The following IGSF8 variants were observed in gnomAD, a reference collection of about 807,000 sequenced individuals.
The protein encoded by IGSF8 is CD81 partner 3.
IGSF8 carries 46 observed loss-of-function variants against 55.5 expected under a neutral mutation model. The ratio of observed to expected loss-of-function variants is 0.83; its 90% CI spans 0.65 to 1.06. The LOEUF (loss-of-function observed/expected upper bound fraction) is 1.06. Among genes scored for constraint, IGSF8 ranks in the 50% least tolerant of loss-of-function variants. The pLI, the probability that IGSF8 is intolerant of heterozygous loss-of-function variation, is 0.00. For missense variants in IGSF8, 731 were observed against 832.3 expected (o/e 0.88, Z 1.50); for synonymous variants, 314 against 356.1 (o/e 0.88, Z 1.33).
In IGSF8 at chr1:160,098,601, T is replaced by C. The variant is rs1455304257; in HGVS notation, c.-129A>G. On this transcript the variant is annotated 5_prime_UTR_variant, in exon 1 of 7. Coordinates refer to ENST00000314485, the MANE Select transcript of IGSF8 (RefSeq NM_052868.6). ...CGAGGCGTGGGTGCGCCGAGCGAGC[T>C]GAACTGGAGCTGCCGAATCCCCTCC... The C allele has an allele frequency of 1.6e-6, 1 of 615,974 alleles. No homozygotes were observed. The highest frequency in any genetic ancestry group is 3.0e-5 in the Admixed American group (1 of 32,892). 38.2% of individuals were successfully genotyped at this position (615,974 alleles called of 1,614,324 possible).
chr1:160,093,865 GT>G lies in IGSF8; in HGVS notation c.748del (p.Thr250ProfsTer7). ...AGELRLGKEG[T>X]DRYRMVVGGA... is the part of the protein sequence containing the mutation. ...CCCTACTACCATGCGGTACCGATCGGTCCCTTCCTTGCCCAGACGAAGCTCC... is the reference window on the plus strand; with the variant it reads ...CCCTACTACCATGCGGTACCGATCGGCCCTTCCTTGCCCAGACGAAGCTCC... On this transcript the variant is annotated frameshift_variant, in exon 3 of 7. Transcript: ENST00000314485. LOFTEE classifies it high-confidence loss of function. The G allele has an allele frequency of 6.2e-7, 1 of 1,614,178 alleles. No individual in the cohort carries two copies. The highest frequency in any genetic ancestry group is 2.2e-5 in the East Asian group (1 of 44,890).
At position 160,098,513 on chromosome 1, in the gene IGSF8, G is replaced by C; in HGVS notation, c.-41C>G. On this transcript the variant is annotated 5_prime_UTR_variant, in exon 1 of 7. Transcript: ENST00000314485. ...CTGGGGAGGCTCCGGGGGATGGCGC[G>C]GGTTCTGGGGGGCCGGAAGGGTGGG... is the stretch of plus-strand genomic sequence containing the variant. The C allele has an allele frequency of 6.8e-7, 1 of 1,469,578 alleles. No homozygotes were observed. Among genetic ancestry groups the C allele is most frequent in the Non-Finnish European group, 9.1e-7 (1 of 1,096,334 alleles). The allele number at this position is 1,469,578 out of a possible 1,614,324, so 91.0% of individuals were successfully genotyped here.
intron 3 of IGSF8, 119 bp from the exon 4 acceptor site, chr1:160,093,450 C>A (rs1167308491): frequency 6.0e-6 from 6 of 993,850 alleles, no homozygotes; most frequent in Non-Finnish European, 7.4e-6. Flanking sequence ...CTGTCTCCCC[C>A]TCACTAGGTA....
intron 4 of IGSF8, 32 bp from the exon 5 acceptor site, chr1:160,092,727 G>A (rs1251983236): frequency 6.3e-7 from 1 of 1,594,784 alleles, no homozygotes; most frequent in South Asian, 1.1e-5. Flanking sequence ...GTCAGAGGGT[G>A]CAGGGCCAGG....
In IGSF8 at chr1:160,094,301, C is replaced by T. The variant is rs1650262768; in HGVS notation, c.443-130G>A. The T allele has an allele frequency of 1.5e-6, 1 of 653,286 alleles. No individual in the cohort carries two copies. Among genetic ancestry groups the T allele is most frequent in the East Asian group, 2.7e-5 (1 of 36,708 alleles). The allele number at this position is 653,286 out of a possible 1,614,324, so 40.5% of individuals were successfully genotyped here. A position where few individuals can be genotyped will look rare whatever the true frequency, so the allele number is the denominator to read the frequency against. ...GCAAAGATCGCATGTTGTATTATTT[C>T]TTCTGTAACTCAGTGGTGCCAAGGG... On this transcript the variant is annotated intron_variant, in intron 2 of 6. Coordinates refer to ENST00000314485, the MANE Select transcript of IGSF8 (RefSeq NM_052868.6). The surrounding 1 kb of genome is among the most constrained non-coding windows in gnomAD (Gnocchi z 4.0).
chr1:160,091,818 A>C lies in IGSF8; in HGVS notation c.*5T>G. 6.2e-7 allele frequency: 1 copy of C among 1,604,974 alleles called. No individual in the cohort carries two copies. Among genetic ancestry groups the C allele is most frequent in the East Asian group, 2.2e-5 (1 of 44,830 alleles). On this transcript the variant is annotated 3_prime_UTR_variant, in exon 6 of 7. Transcript: ENST00000314485. ...GTTCTTTTCCCTCACCTGGGGAGTAAGGGATCACCGTTTTCGAAGCCTCTT... is the reference window on the plus strand; with the variant it reads ...GTTCTTTTCCCTCACCTGGGGAGTACGGGATCACCGTTTTCGAAGCCTCTT...
intron 1 of IGSF8, among the ~76,000 whole-genome samples, chr1:160,095,851 C>T (rs1650394980): frequency 6.6e-6 from 1 of 152,240 alleles, no homozygotes; most frequent in African/African-American, 2.4e-5. Flanking sequence ...TTCTCTCACC[C>T]CACAGGGCTG....
rs1553240959 is a variant in IGSF8 at position 160,094,942 on chromosome 1, G to A, written c.369C>T (p.Gly123=). 6.2e-7 allele frequency: 1 copy of A among 1,613,946 alleles called. No individual in the cohort carries two copies. The highest frequency in any genetic ancestry group is 8.5e-7 in the Non-Finnish European group (1 of 1,180,034). ...KIARLQAQDA[G]IYECHTPSTD... is the part of the protein sequence containing the mutation. ...TGGAGGGGGTGTGGCACTCATAAATGCCGGCATCCTGGGCCTGCAGGCGGG... is the reference window on the plus strand; with the variant it reads ...TGGAGGGGGTGTGGCACTCATAAATACCGGCATCCTGGGCCTGCAGGCGGG... Residue 123 remains glycine (G), a synonymous_variant, in exon 2 of 7, where the codon GGC becomes GGT. Coordinates refer to ENST00000314485, the MANE Select transcript of IGSF8 (RefSeq NM_052868.6). The surrounding 1 kb of genome is among the most constrained non-coding windows in gnomAD (Gnocchi z 4.0).
Position 160,094,804 on chromosome 1 carries a change from A to C in IGSF8, c.442+65T>G. The C allele has an allele frequency of 6.5e-7, 1 of 1,530,506 alleles. No homozygotes were observed. Among genetic ancestry groups the C allele is most frequent in the Non-Finnish European group, 8.9e-7 (1 of 1,128,530 alleles). The allele number at this position is 1,530,506 out of a possible 1,614,324, so 94.8% of individuals were successfully genotyped here. On this transcript the variant is annotated intron_variant, in intron 2 of 6. Coordinates refer to ENST00000314485, the MANE Select transcript of IGSF8 (RefSeq NM_052868.6). This position sits in a 1 kb window ranked among gnomAD's most constrained non-coding sequence, Gnocchi z 4.0. ...AACCTAAGGGGCAACTAGATAGGTC[A>C]CTTGTGGCCTTGACTTTCTGCCTTG...
rs1229375731 is a variant in IGSF8 at position 160,093,975 on chromosome 1, C to A, written c.639G>T (p.Arg213=). 1 of 1,614,268 alleles carries A rather than the reference C, an allele frequency of 6.2e-7. No homozygotes were observed. The change falls in exon 3 of 7, where the codon CGG becomes CGT. Residue 213 remains arginine, a synonymous_variant. Coordinates refer to ENST00000314485, the MANE Select transcript of IGSF8 (RefSeq NM_052868.6). The part of the protein sequence containing the change: ...GRSVPEAPVG[R]STLQEVVGIR... ...TTCCCACCACTTCCTGCAGAGTTGA[C>A]CGCCCAACTGGTGCCTCGGGCACAG...
Position 160,091,564 on chromosome 1 carries a change from G to T in IGSF8, c.*60C>A. The T allele has an allele frequency of 2.2e-6, 1 of 464,732 alleles. No individual in the cohort carries two copies. The highest frequency in any genetic ancestry group is 2.0e-5 in the African/African-American group (1 of 50,456). 28.8% of individuals were successfully genotyped at this position (464,732 alleles called of 1,614,324 possible). A position where few individuals can be genotyped will look rare whatever the true frequency, so the allele number is the denominator to read the frequency against. On this transcript the variant is annotated 3_prime_UTR_variant, in exon 7 of 7. Coordinates refer to ENST00000314485, the MANE Select transcript of IGSF8 (RefSeq NM_052868.6). ...GGGAGAGGGTGTCCAGGCAACCAGA[G>T]GAGGGCTTGGAGCTGGGCCGGAAGA...
rs761010992 is a variant in IGSF8, at chr1:160,093,143, C to T, written c.1093G>A (p.Glu365Lys). 7 of 1,613,760 alleles carry T rather than the reference C, an allele frequency of 4.3e-6. No homozygotes were observed. Among genetic ancestry groups the T allele is most frequent in the Non-Finnish European group, 5.9e-6 (7 of 1,179,824 alleles). The change falls in exon 4 of 7, where the codon GAG (glutamate) becomes AAG (lysine). Residue 365 changes from glutamate to lysine, a missense_variant. Physicochemically the swap from Glu to Lys is moderately conservative, Grantham distance 56 (BLOSUM62 1). Transcript: ENST00000314485. ...CCAGGGCCCAGGCTGCCCACACCCT[C>T]TGTGTCCAGCTGGGCTACCAGGCGG... ...PGRLVAQLDT[E>K]GVGSLGPGYE... is the part of the protein sequence containing the mutation.
In IGSF8 at chr1:160,093,197, T is replaced by C. The variant is rs1166581018; in HGVS notation, c.1039A>G (p.Met347Val). Residue 347 changes from methionine to valine, a missense_variant, in exon 4 of 7, where the codon ATG becomes GTG. Met to Val is a conservative substitution (Grantham distance 21). Coordinates refer to ENST00000314485, the MANE Select transcript of IGSF8 (RefSeq NM_052868.6). ...RHAAYSVGWE[M>V]APAGAPGPGR... The stretch of plus-strand genomic sequence containing the variant: ...GGCCCAGGTGCCCCCGCAGGTGCCA[T>C]CTCCCAACCTACAGAGTATGCAGCA... The C allele has an allele frequency of 1.1e-5, 18 of 1,613,872 alleles. No individual in the cohort carries two copies. The highest frequency in any genetic ancestry group is 1.5e-5 in the Non-Finnish European group (18 of 1,179,900).
intron 1 of IGSF8, 38 bp downstream of exon 1, chr1:160,098,371 C>G: frequency 6.4e-7 from 1 of 1,551,528 alleles, no homozygotes; most frequent in Non-Finnish European, 8.7e-7. Flanking sequence ...AGGCACCTGC[C>G]CGGCAGGGCC....
In IGSF8 at chr1:160,091,426, C is replaced by G. The variant is rs551924251; in HGVS notation, c.*198G>C. 5.8e-5 allele frequency: 13 copies of G among 223,742 alleles called. No homozygotes were observed. The highest frequency in any genetic ancestry group is 3.0e-4 in the African/African-American group (13 of 43,658). 13.9% of individuals were successfully genotyped at this position (223,742 alleles called of 1,614,324 possible). On this transcript the variant is annotated 3_prime_UTR_variant, in exon 7 of 7. Coordinates refer to ENST00000314485, the MANE Select transcript of IGSF8 (RefSeq NM_052868.6). The stretch of plus-strand genomic sequence containing the variant: ...CCTCCCTATAGGATCCCTAAGAGAT[C>G]AAGAACAGAAGGCCAGAGGGAGGGG...
At chr1:160,092,160 T>G in intron 5 of IGSF8, 122 bp downstream of exon 5, 1 of 1,174,474 alleles carries the variant, frequency 8.5e-7, no homozygotes, top group Non-Finnish European at 1.3e-6. Flanking sequence ...TTTTTGAGAC[T>G]TCATGTGACA....
intron 1 of IGSF8, chr1:160,097,776 G>A (rs1650534218): frequency 2.0e-6 from 2 of 985,350 alleles, no homozygotes; most frequent in South Asian, 9.4e-5. Context: ...TTTCTCCTGA[G>A]GCAAGGAAGC....
chr1:160,097,777 G>A, intron 1 of IGSF8: 1 of 985,464 alleles, frequency 1.0e-6, no homozygotes, highest in Non-Finnish European at 1.2e-6. Context: ...TTCTCCTGAG[G>A]CAAGGAAGCT....
In IGSF8 at chr1:160,098,423, AGCAGCAGCGGCAGCGAAGGCG is replaced by A; in HGVS notation, c.29_49del (p.Pro10_Leu16del). ...GCCTGGCTTACCTAGCATTAGCAGC[AGCAGCAGCGGCAGCGAAGGCG>A]GCAGCAGCGTGGGCCTGAGGGCGCC... On this transcript the variant is annotated inframe_deletion, in exon 1 of 7. Coordinates refer to ENST00000314485, the MANE Select transcript of IGSF8 (RefSeq NM_052868.6). 1 of 1,549,566 alleles carries A rather than the reference AGCAGCAGCGGCAGCGAAGGCG, an allele frequency of 6.5e-7. No homozygotes were observed. The highest frequency in any genetic ancestry group is 8.7e-7 in the Non-Finnish European group (1 of 1,146,322).
Sources: allele counts gnomAD v4.1 joint callset (sites outside exome capture counted in the v4.1 genomes callset), GRCh38; gene constraint gnomAD v4.1.1; non-coding constraint Gnocchi (gnomAD v3.1); transcripts MANE v1.5; gene names NCBI Gene and HGNC (gene_info 2026-07-23, HGNC 2026-07-21).